Variants in RBFOX1 observed in about 807,000 individuals in gnomAD.
RBFOX1 encodes the protein RNA binding protein fox-1 homolog 1.
RBFOX1 carries 8 observed loss-of-function variants against 57.7 expected under a neutral mutation model. The ratio of observed to expected loss-of-function variants is 0.14; its 90% confidence interval spans 0.08 to 0.25. The LOEUF is 0.25. RBFOX1 is among the 10% of genes least tolerant of loss of function. The pLI, the probability that RBFOX1 is intolerant of heterozygous loss-of-function variation, is 1.00. For synonymous variants in RBFOX1, 326 were observed against 222.4 expected (o/e 1.47, Z -4.15); for missense variants, 611 against 548.5 (o/e 1.11, Z -1.14).
At chr16:7,491,775 C>A (rs895736977) in intron 4 of RBFOX1, among the ~76,000 whole-genome samples, 1 of 152,094 alleles carries the variant, frequency 6.6e-6, no homozygotes, top group Non-Finnish European at 1.5e-5. Flanking sequence ...GGACCGCAGG[C>A]ACATGCCACC....
intron 3 of RBFOX1, among the ~76,000 whole-genome samples, chr16:6,919,200 C>G (rs1310229815): frequency 6.6e-6 from 1 of 151,984 alleles, no homozygotes; most frequent in African/African-American, 2.4e-5. Flanking sequence ...CCAGGCTGGT[C>G]TTGAACTCCT....
chr16:6,387,205 C>T (rs924841545), intron 2 of RBFOX1, among the ~76,000 whole-genome samples: 1 of 152,182 alleles, frequency 6.6e-6, no homozygotes, highest in Non-Finnish European at 1.5e-5. Context: ...AGTTCAACCA[C>T]TGGCTTTCAC....
chr16:5,998,757 T>A, intron 4 of RBFOX1, among the ~76,000 whole-genome samples: 1 of 152,310 alleles, frequency 6.6e-6, no homozygotes, highest in South Asian at 2.1e-4. Context: ...CAAATGGCAT[T>A]TTTTCGCATA....
rs538712688 is a variant in RBFOX1 at position 7,145,068 on chromosome 16, T to C, written c.27+92970T>C. On this transcript the variant is annotated intron_variant, in intron 4 of 15. Coordinates refer to ENST00000550418, the MANE Select transcript of RBFOX1 (RefSeq NM_018723.4). ...GCCGGATGTGACTGGTCTGCTCTTT[T>C]GGTACCAATCCTAGCTTGACAGTGA... Among the ~76,000 whole-genome samples the C allele has an allele frequency of 9.2e-5, 14 of 152,370 alleles. No individual in the cohort carries two copies. The South Asian group carries it at 2.9e-3, about 32-fold the overall frequency.
At chr16:7,575,971 T>C (rs67106447) in intron 5 of RBFOX1, among the ~76,000 whole-genome samples, 47,617 of 152,044 alleles carry the variant, frequency 0.31, 8,821 homozygotes, top group East Asian at 0.53. Flanking sequence ...TCTTGCTCCA[T>C]TGCCCAGGCT....
intron 3 of RBFOX1, among the ~76,000 whole-genome samples, chr16:7,047,040 C>A (rs985823647): frequency 8.1e-5 from 11 of 135,780 alleles, no homozygotes; most frequent in Non-Finnish European, 1.4e-4. Flanking sequence ...GCTCTTCATG[C>A]AATTTCCTTT....
In RBFOX1 at chr16:7,029,964, C is replaced by T. The variant is rs75888474; in HGVS notation, c.-15-22093C>T. ...GGGTAGACACATGATGTGTGAATTC[C>T]AGCAAGACAGTCAACAAGGACACAC... On this transcript the variant is annotated intron_variant, in intron 3 of 15. Transcript: ENST00000550418. Among the ~76,000 whole-genome samples, 171 of 152,274 alleles carry T rather than the reference C, an allele frequency of 1.1e-3. 4 individuals are homozygous for T. In the East Asian group the frequency reaches 0.028, roughly 25 times the overall value.
intron 2 of RBFOX1, among the ~76,000 whole-genome samples, chr16:6,450,300 A>G (rs2094563475): frequency 6.6e-6 from 1 of 152,174 alleles, no homozygotes; most frequent in Non-Finnish European, 1.5e-5. Context: ...CCCGATAAAG[A>G]GAGTGGGTTA....
intron 3 of RBFOX1, among the ~76,000 whole-genome samples, chr16:6,877,486 A>G (rs2062060095): frequency 6.6e-6 from 1 of 152,186 alleles, no homozygotes; most frequent in Non-Finnish European, 1.5e-5. Context: ...AGACCATAAA[A>G]TGCCTACTTA....
chr16:6,762,597 A>G (rs1454184700), intron 3 of RBFOX1, among the ~76,000 whole-genome samples: 1 of 152,196 alleles, frequency 6.6e-6, no homozygotes, highest in Non-Finnish European at 1.5e-5. Flanking sequence ...CAAGAATCTT[A>G]GATATGAAAG....
chr16:5,797,692 G>A (rs567083798), intron 3 of RBFOX1, among the ~76,000 whole-genome samples: 1 of 152,154 alleles, frequency 6.6e-6, no homozygotes, highest in Non-Finnish European at 1.5e-5. Flanking sequence ...GCCAGATTGT[G>A]GTCAGAGGCC....
At chr16:6,954,484 T>G (rs1032079691) in intron 3 of RBFOX1, among the ~76,000 whole-genome samples, 6 of 152,162 alleles carry the variant, frequency 3.9e-5, no homozygotes, top group Non-Finnish European at 5.9e-5. Context: ...AAAACGTAAT[T>G]TTGTTGAAAC....
intron 3 of RBFOX1, among the ~76,000 whole-genome samples, chr16:6,947,805 C>G (rs1400895324): frequency 6.6e-6 from 1 of 152,146 alleles, no homozygotes; most frequent in Non-Finnish European, 1.5e-5. Context: ...GAGATGGAGT[C>G]TTGCTCTGTC....
intron 1 of RBFOX1, among the ~76,000 whole-genome samples, chr16:5,282,908 G>A (rs564049031): frequency 2.6e-5 from 4 of 152,310 alleles, no homozygotes; most frequent in South Asian, 4.1e-4. Context: ...TGGGGAAAAT[G>A]TCTCCAGGGC....
At position 6,971,023 on chromosome 16, in the gene RBFOX1, C is replaced by T. The variant is rs539387446; in HGVS notation, c.-15-81034C>T. The stretch of plus-strand genomic sequence containing the variant: ...TAACAGTTTCCTTCAACAGATATTT[C>T]TTGAGAACCATACTATCTAATCTGT... On this transcript the variant is annotated intron_variant, in intron 3 of 15. Coordinates refer to ENST00000550418, the MANE Select transcript of RBFOX1 (RefSeq NM_018723.4). Among the ~76,000 whole-genome samples the T allele has an allele frequency of 2.0e-5, 3 of 152,288 alleles. No homozygotes were observed. In the East Asian group the frequency reaches 5.8e-4, roughly 29 times the overall value.
At chr16:6,596,347 G>A (rs1490065200) in intron 2 of RBFOX1, among the ~76,000 whole-genome samples, 1 of 152,116 alleles carries the variant, frequency 6.6e-6, no homozygotes, top group African/African-American at 2.4e-5. Context: ...AGTTACCCCA[G>A]CACCATTCAT....
At chr16:5,822,253 A>T (rs545930940) in intron 3 of RBFOX1, among the ~76,000 whole-genome samples, 1 of 152,182 alleles carries the variant, frequency 6.6e-6, no homozygotes, top group Admixed American at 6.5e-5. Context: ...AAGGCATAAG[A>T]ATGATACAAT....
intron 3 of RBFOX1, among the ~76,000 whole-genome samples, chr16:5,709,829 ATATATATATATATATTTTTTTTTT>A (rs1348282386): frequency 1.2e-3 from 9 of 7,480 alleles, no homozygotes; most frequent in Admixed American, 7.1e-3. Flanking sequence ...ATATATATAT[ATATATATATATATATTTTTTTTTT>A]TTTTTTTTTT....
At chr16:7,025,291 G>A (rs955565116) in intron 3 of RBFOX1, among the ~76,000 whole-genome samples, 22 of 152,132 alleles carry the variant, frequency 1.4e-4, no homozygotes, top group South Asian at 2.1e-4. Context: ...CATGGCGCTC[G>A]TGAGTATAGC....
Sources: gnomAD v4.1 joint callset for allele counts (sites outside exome capture counted in the v4.1 genomes callset) on GRCh38, gnomAD v4.1.1 for gene constraint, MANE v1.5 for transcripts, NCBI Gene and HGNC (gene_info 2026-07-23, HGNC 2026-07-21) for gene names.